Variants in RARB observed in about 807,000 individuals in gnomAD.
RARB encodes the protein retinoic acid receptor beta.
A neutral mutation model predicts 51.9 loss-of-function variants in RARB; 17 were observed. The observed-to-expected ratio is 0.33, with a 90% CI of 0.22 to 0.49. RARB has a LOEUF of 0.49. Ranked by LOEUF, RARB falls within the 20% of genes least tolerant of loss-of-function variation. The pLI is 0.99. For missense variants in RARB, 369 were observed against 550.8 expected (o/e 0.67, Z 3.30); for synonymous variants, 215 against 195.4 (o/e 1.10, Z -0.84).
chr3:25,206,566 A>G (rs2125374963), intron 5 of RARB, among the ~76,000 whole-genome samples: 1 of 152,172 alleles, frequency 6.6e-6, no homozygotes, highest in South Asian at 2.1e-4. Context: ...GTGCCCATCT[A>G]CCCATTTCAG....
chr3:24,928,426 C>T (rs1019620969), intron 2 of RARB, among the ~76,000 whole-genome samples: 1 of 151,778 alleles, frequency 6.6e-6, no homozygotes, highest in African/African-American at 2.4e-5. Context: ...GATGGAAAGA[C>T]CTAGGTGCAG....
At chr3:25,241,485 A>G (rs961868071) in intron 5 of RARB, among the ~76,000 whole-genome samples, 13 of 152,046 alleles carry the variant, frequency 8.6e-5, no homozygotes, top group Non-Finnish European at 7.4e-5. Context: ...ACCCCCGGAC[A>G]GGCCCGGGTG....
chr3:24,992,667 T>C (rs1696937539), intron 2 of RARB, among the ~76,000 whole-genome samples: 1 of 152,144 alleles, frequency 6.6e-6, no homozygotes, highest in Admixed American at 6.5e-5. Context: ...GAAGTCTTTC[T>C]CCTTGGCTTA....
intron 3 of RARB, among the ~76,000 whole-genome samples, chr3:25,068,133 C>CAAAAAAAAA (rs55826425): frequency 2.4e-4 from 8 of 33,266 alleles, no homozygotes; most frequent in South Asian, 2.3e-3. Context: ...GACTCCATCT[C>CAAAAAAAAA]AAAAAAAAAA....
intron 3 of RARB, among the ~76,000 whole-genome samples, chr3:25,542,721 A>C (rs969162033): frequency 2.6e-5 from 4 of 152,232 alleles, no homozygotes; most frequent in African/African-American, 9.6e-5. Flanking sequence ...AAGCATTTCC[A>C]TGTGGCTGTG....
intron 5 of RARB, among the ~76,000 whole-genome samples, chr3:25,187,180 T>A (rs2125361086): frequency 6.6e-6 from 1 of 152,182 alleles, no homozygotes; most frequent in Middle Eastern, 3.4e-3. Flanking sequence ...AAGAAGACAA[T>A]GGCCTCTTAC....
intron 5 of RARB, among the ~76,000 whole-genome samples, chr3:25,409,624 A>G (rs1003804343): frequency 5.3e-5 from 8 of 152,206 alleles, no homozygotes; most frequent in East Asian, 1.9e-4. Flanking sequence ...CTGAAAATTT[A>G]AAAGCACCAA....
chr3:25,024,694 G>A (rs1352785557), intron 2 of RARB, among the ~76,000 whole-genome samples: 1 of 152,142 alleles, frequency 6.6e-6, no homozygotes, highest in African/African-American at 2.4e-5. Context: ...GCTCATGCCT[G>A]TAATCCCAGC....
At chr3:25,564,275 T>C (rs1700394090) in intron 3 of RARB, among the ~76,000 whole-genome samples, 1 of 152,246 alleles carries the variant, frequency 6.6e-6, no homozygotes, top group Non-Finnish European at 1.5e-5. Context: ...ATCATAAATA[T>C]GTTACTTTTA....
intron 5 of RARB, among the ~76,000 whole-genome samples, chr3:25,294,844 A>C (rs1703880715): frequency 6.6e-6 from 1 of 152,044 alleles, no homozygotes; most frequent in Admixed American, 6.5e-5. Flanking sequence ...AGGAAAAATC[A>C]CCAGCTTTGC....
At chr3:25,297,016 T>C (rs143416223) in intron 5 of RARB, among the ~76,000 whole-genome samples, 1 of 152,228 alleles carries the variant, frequency 6.6e-6, no homozygotes, top group African/African-American at 2.4e-5. Flanking sequence ...ACCTAGATAG[T>C]GTCTGTGAAA....
At chr3:24,855,516 C>T (rs1225301482) in intron 1 of RARB, among the ~76,000 whole-genome samples, 1 of 152,064 alleles carries the variant, frequency 6.6e-6, no homozygotes, top group Non-Finnish European at 1.5e-5. Flanking sequence ...TATACCTGTT[C>T]CCTGTAGGCC....
chr3:25,443,622 T>C (rs1173188975), intron 1 of RARB, among the ~76,000 whole-genome samples: 1 of 145,572 alleles, frequency 6.9e-6, no homozygotes, highest in Non-Finnish European at 1.5e-5. Flanking sequence ...AAAATATATA[T>C]AAAAAAAAAA....
chr3:25,229,568 T>G (rs1702129534), intron 5 of RARB, among the ~76,000 whole-genome samples: 1 of 152,122 alleles, frequency 6.6e-6, no homozygotes, highest in African/African-American at 2.4e-5. Context: ...AGTTAAAAAA[T>G]GTGTGGACCT....
intron 4 of RARB, among the ~76,000 whole-genome samples, chr3:25,171,143 A>C (rs1700637832): frequency 6.6e-6 from 1 of 152,004 alleles, no homozygotes; most frequent in African/African-American, 2.4e-5. Flanking sequence ...TACCCAGAGA[A>C]TCTCTTGGCT....
chr3:24,961,676 G>A (rs1036665077), intron 2 of RARB, among the ~76,000 whole-genome samples: 7 of 152,196 alleles, frequency 4.6e-5, no homozygotes, highest in Admixed American at 2.0e-4. Context: ...AGTATTGGAA[G>A]TGATGGATCA....
At chr3:24,946,898 AAACAG>A (rs1695787416) in intron 2 of RARB, among the ~76,000 whole-genome samples, 2 of 152,204 alleles carry the variant, frequency 1.3e-5, no homozygotes. Flanking sequence ...CTCATGGAAA[AAACAG>A]AACAGACCAC....
chr3:25,218,575 C>G (rs1233213236), intron 5 of RARB, among the ~76,000 whole-genome samples: 2 of 152,118 alleles, frequency 1.3e-5, no homozygotes, highest in Non-Finnish European at 2.9e-5. Flanking sequence ...AACTGGATGA[C>G]CTCTATTTAC....
intron 3 of RARB, among the ~76,000 whole-genome samples, chr3:25,128,471 C>G (rs1310870181): frequency 6.8e-6 from 1 of 147,076 alleles, no homozygotes; most frequent in African/African-American, 2.5e-5. Flanking sequence ...ATACTATATA[C>G]TAGAAATATA....
Sources: allele counts gnomAD v4.1 joint callset (sites outside exome capture counted in the v4.1 genomes callset), GRCh38; gene constraint gnomAD v4.1.1; transcripts MANE v1.5; gene names NCBI Gene and HGNC (gene_info 2026-07-23, HGNC 2026-07-21).